Variants in DNAH7 observed in about 807,000 individuals in gnomAD.
DNAH7 encodes axonemal beta dynein heavy chain 7.
In DNAH7, 397 loss-of-function variants were observed where a neutral mutation model predicts 444.6. The observed-to-expected ratio is 0.89, with a 90% confidence interval of 0.82 to 0.97. The LOEUF (loss-of-function observed/expected upper bound fraction) is 0.97. Ranked by LOEUF, DNAH7 falls within the 50% of genes least tolerant of loss-of-function variation. DNAH7 has a pLI of 0.00. For synonymous variants in DNAH7, 1,636 were observed against 1,624.4 expected (o/e 1.01, Z -0.17); for missense variants, 4,902 against 4,800.8 (o/e 1.02, Z -0.62).
intron 12 of DNAH7, among the ~76,000 whole-genome samples, chr2:195,993,829 C>G (rs1220468690): frequency 6.6e-6 from 1 of 152,174 alleles, no homozygotes; most frequent in African/African-American, 2.4e-5. Context: ...GTGGAGAAGG[C>G]AGAGATTGAA....
intron 1 of DNAH7, among the ~76,000 whole-genome samples, chr2:196,064,486 T>C (rs1698314227): frequency 6.6e-6 from 1 of 152,138 alleles, no homozygotes; most frequent in South Asian, 2.1e-4. Context: ...TCACGTCTTA[T>C]TCTCTTTAAA....
At chr2:195,811,903 G>C (rs1186131076) in intron 51 of DNAH7, among the ~76,000 whole-genome samples, 1 of 152,056 alleles carries the variant, frequency 6.6e-6, no homozygotes, top group Non-Finnish European at 1.5e-5. Context: ...TCATTCCTGG[G>C]CATGGGCGAA....
chr2:195,986,735 A>G (rs1692936977), intron 14 of DNAH7, among the ~76,000 whole-genome samples: 1 of 152,210 alleles, frequency 6.6e-6, no homozygotes, highest in Non-Finnish European at 1.5e-5. Context: ...TACTATGTAA[A>G]TCCACTTTGA....
At chr2:196,046,645 T>C (rs1432019840) in intron 5 of DNAH7, among the ~76,000 whole-genome samples, 1 of 151,740 alleles carries the variant, frequency 6.6e-6, no homozygotes, top group East Asian at 1.9e-4. Context: ...GGGACTCCGA[T>C]ACACTCCTTT....
chr2:196,019,308 A>AAAATAT lies in DNAH7; in HGVS notation c.744-19_744-14dup, dbSNP rs1301083595. The AAAATAT allele has an allele frequency of 2.1e-6, 3 of 1,456,426 alleles. No individual in the cohort carries two copies. The highest frequency in any genetic ancestry group is 1.8e-6 in the Non-Finnish European group (2 of 1,087,190). 90.2% of individuals were successfully genotyped at this position (1,456,426 alleles called of 1,614,324 possible). ...CAGAATTTCCATTCTGAAAACAAAGAAAATATTTAGTTACAGTCTCAAAAA... is the reference window on the plus strand; with the variant it reads ...CAGAATTTCCATTCTGAAAACAAAGAAAATATAAATATTTAGTTACAGTCTCAAAAA... On this transcript the variant is annotated splice_polypyrimidine_tract_variant and intron_variant, in intron 8 of 64. Transcript: ENST00000312428.
chr2:195,829,589 T>C (rs1354376552), intron 48 of DNAH7, among the ~76,000 whole-genome samples: 5 of 152,106 alleles, frequency 3.3e-5, no homozygotes, highest in Non-Finnish European at 7.4e-5. Flanking sequence ...TTTCTCTTAC[T>C]GCCTCAACAT....
chr2:195,958,699 A>G (rs1305378749), intron 18 of DNAH7, among the ~76,000 whole-genome samples: 2 of 152,246 alleles, frequency 1.3e-5, no homozygotes, highest in African/African-American at 4.8e-5. Flanking sequence ...AATTTCCTCA[A>G]GAATAAATAT....
intron 46 of DNAH7, among the ~76,000 whole-genome samples, chr2:195,849,146 C>G (rs1380722891): frequency 6.6e-6 from 1 of 152,144 alleles, no homozygotes; most frequent in Non-Finnish European, 1.5e-5. Context: ...GTTACTGTCA[C>G]TATTTATTGC....
At chr2:195,802,707 A>C (rs377093979) in intron 54 of DNAH7, among the ~76,000 whole-genome samples, 49 of 152,170 alleles carry the variant, frequency 3.2e-4, no homozygotes, top group African/African-American at 9.1e-4. Flanking sequence ...CAAAAAAAAA[A>C]CAAAAATTTT....
At position 195,891,651 on chromosome 2, in the gene DNAH7, T is replaced by G; in HGVS notation, c.5046+4A>C. On this transcript the variant is annotated splice_donor_region_variant and intron_variant, in intron 31 of 64. Coordinates refer to ENST00000312428, the MANE Select transcript of DNAH7 (RefSeq NM_018897.3). ...GATATGCATGTGAAAGTGTTAGAACTTACCACTGAAGAGGCAAATGCTCTA... is the reference window on the plus strand; with the variant it reads ...GATATGCATGTGAAAGTGTTAGAACGTACCACTGAAGAGGCAAATGCTCTA... 1.9e-6 allele frequency: 3 copies of G among 1,574,724 alleles called. No homozygotes were observed. The highest frequency in any genetic ancestry group is 2.6e-6 in the Non-Finnish European group (3 of 1,164,966).
At chr2:196,068,122 C>A (rs1321730128) in intron 1 of DNAH7, among the ~76,000 whole-genome samples, 1 of 152,172 alleles carries the variant, frequency 6.6e-6, no homozygotes, top group South Asian at 2.1e-4. Context: ...CATGGAATAT[C>A]ATCTTAAGAA....
chr2:195,944,518 G>A (rs562356012), intron 19 of DNAH7, among the ~76,000 whole-genome samples: 2 of 152,210 alleles, frequency 1.3e-5, no homozygotes, highest in Admixed American at 6.6e-5. Flanking sequence ...CTCTGCCAAG[G>A]ATTCTGGCAA....
intron 19 of DNAH7, among the ~76,000 whole-genome samples, chr2:195,953,446 A>G (rs1017850618): frequency 3.9e-5 from 6 of 152,174 alleles, no homozygotes; most frequent in African/African-American, 1.4e-4. Flanking sequence ...TCTGTCTCTT[A>G]GCAGAACTCA....
At chr2:196,003,141 T>C (rs897436189) in intron 10 of DNAH7, among the ~76,000 whole-genome samples, 4 of 145,646 alleles carry the variant, frequency 2.7e-5, no homozygotes, top group African/African-American at 1.0e-4. Flanking sequence ...AAGGGTTTCA[T>C]AGTGAAGATG....
intron 21 of DNAH7, among the ~76,000 whole-genome samples, chr2:195,930,108 G>A (rs1336214272): frequency 1.3e-5 from 2 of 152,180 alleles, no homozygotes; most frequent in Non-Finnish European, 2.9e-5. Flanking sequence ...ACTTTGGGAG[G>A]TCAAGACAGG....
At chr2:195,781,564 G>C (rs918312538) in intron 58 of DNAH7, among the ~76,000 whole-genome samples, 2 of 152,090 alleles carry the variant, frequency 1.3e-5, no homozygotes, top group African/African-American at 2.4e-5. Flanking sequence ...TGTTACAAGA[G>C]GGTTGAGACA....
intron 51 of DNAH7, among the ~76,000 whole-genome samples, chr2:195,810,851 G>A (rs1696935891): frequency 6.6e-6 from 1 of 152,120 alleles, no homozygotes; most frequent in Non-Finnish European, 1.5e-5. Flanking sequence ...CCATTATTAT[G>A]CTAATAGGTT....
At chr2:195,855,555 A>C (rs1007023601) in intron 45 of DNAH7, among the ~76,000 whole-genome samples, 1 of 152,094 alleles carries the variant, frequency 6.6e-6, no homozygotes, top group Non-Finnish European at 1.5e-5. Context: ...TGAGCCAAGC[A>C]GCAAAACTGA....
At chr2:195,896,955 C>G (rs1702355174) in intron 29 of DNAH7, among the ~76,000 whole-genome samples, 1 of 152,144 alleles carries the variant, frequency 6.6e-6, no homozygotes, top group Non-Finnish European at 1.5e-5. Flanking sequence ...AACTGGATAA[C>G]TATATGCAGA....
Sources: allele counts gnomAD v4.1 joint callset (sites outside exome capture counted in the v4.1 genomes callset), GRCh38; gene constraint gnomAD v4.1.1; transcripts MANE v1.5; gene names NCBI Gene and HGNC (gene_info 2026-07-23, HGNC 2026-07-21).